GPHN: variants seen among roughly 807,000 people sequenced by gnomAD.
GPHN encodes gephyrin.
GPHN carries 17 observed loss-of-function variants against 95.5 expected under a neutral mutation model. The ratio of observed to expected loss-of-function variants is 0.18; its 90% CI spans 0.12 to 0.27. The LOEUF is 0.27. GPHN is among the 10% of genes least tolerant of loss of function. The pLI is 1.00. For synonymous variants in GPHN, 320 were observed against 322.5 expected (o/e 0.99, Z 0.08); for missense variants, 660 against 978.1 (o/e 0.67, Z 4.34).
the GPHN span, among the ~76,000 whole-genome samples, chr14:67,311,430 G>A: frequency 5.9e-5 from 9 of 151,754 alleles, no homozygotes; most frequent in South Asian, 1.7e-3. Flanking sequence ...TTTAACCTAT[G>A]TGTGACAGAA....
At chr14:67,085,396 A>G (rs2076843680) in intron 11 of GPHN, among the ~76,000 whole-genome samples, 1 of 152,216 alleles carries the variant, frequency 6.6e-6, no homozygotes, top group Admixed American at 6.5e-5. Context: ...ACGTATCTAA[A>G]TCTTGCAAAA....
At chr14:66,608,926 CTT>C (rs1478469718) in intron 1 of GPHN, among the ~76,000 whole-genome samples, 2 of 152,066 alleles carry the variant, frequency 1.3e-5, no homozygotes, top group Non-Finnish European at 2.9e-5. Flanking sequence ...TGGATCTTGT[CTT>C]TTTGTCCAGC....
At chr14:66,703,700 C>A (rs1284904903) in intron 2 of GPHN, among the ~76,000 whole-genome samples, 1 of 133,768 alleles carries the variant, frequency 7.5e-6, no homozygotes, top group Non-Finnish European at 1.5e-5. Flanking sequence ...AATGTAAGGA[C>A]CAATGACACT....
rs374248278 is a variant in GPHN, at chr14:67,088,995, G to A, written c.1157G>A (p.Arg386Gln). 1.8e-5 allele frequency: 29 copies of A among 1,590,302 alleles called. No homozygotes were observed. The highest frequency in any genetic ancestry group is 2.4e-5 in the Non-Finnish European group (28 of 1,158,548). Residue 386 changes from arginine to glutamine, a missense_variant, in exon 12 of 23, where the codon CGA (arginine) becomes CAA (glutamine). This residue lies in a region of GPHN where 257 missense variants were observed against 376.2 expected (regional missense o/e 0.68). Coordinates refer to ENST00000478722, the MANE Select transcript of GPHN (RefSeq NM_020806.5). ...EIINYRDGMG[R>Q]VLAQDVYAKD... Reference sequence around the variant, plus strand: ...TCTCTTCCTTCAGATGGAATGGGGCGAGTCCTTGCTCAAGATGTATATGCA... The same window carrying A: ...TCTCTTCCTTCAGATGGAATGGGGCAAGTCCTTGCTCAAGATGTATATGCA...
intron 1 of GPHN, among the ~76,000 whole-genome samples, chr14:66,568,627 T>C (rs2060553520): frequency 1.3e-5 from 2 of 152,244 alleles, no homozygotes; most frequent in African/African-American, 4.8e-5. Context: ...GAAATAGCAA[T>C]TGAACTTTAA....
At chr14:66,987,279 C>T (rs2071090637) in intron 9 of GPHN, among the ~76,000 whole-genome samples, 1 of 151,930 alleles carries the variant, frequency 6.6e-6, no homozygotes, top group Non-Finnish European at 1.5e-5. Flanking sequence ...TGAGAAGGTA[C>T]AGAACGACAT....
intron 3 of GPHN, among the ~76,000 whole-genome samples, chr14:66,815,030 T>C (rs2060908703): frequency 6.6e-6 from 1 of 151,986 alleles, no homozygotes; most frequent in African/African-American, 2.4e-5. Flanking sequence ...CAATTATTAA[T>C]AGCAGAATAG....
At chr14:67,435,035 C>T in the GPHN span, among the ~76,000 whole-genome samples, 2,119 of 146,550 alleles carry the variant, frequency 0.014, 47 homozygotes, top group African/African-American at 0.052. Context: ...AGTGCCATTT[C>T]GGCTCACTGC....
At chr14:67,312,785 C>A in the GPHN span, 6 of 1,183,376 alleles carry the variant, frequency 5.1e-6, no homozygotes, top group South Asian at 1.3e-4. Flanking sequence ...AAGAAAAACT[C>A]ACTCTTTCAT....
intron 1 of GPHN, among the ~76,000 whole-genome samples, chr14:66,585,068 C>T (rs2061363716): frequency 6.6e-6 from 1 of 151,998 alleles, no homozygotes; most frequent in Admixed American, 6.6e-5. Flanking sequence ...GTTTCAGAGC[C>T]TGTTATTGGT....
the GPHN span, among the ~76,000 whole-genome samples, chr14:67,196,223 C>CTTTCT: frequency 2.1e-5 from 3 of 143,118 alleles, no homozygotes; most frequent in African/African-American, 7.7e-5. Context: ...TTCTTTCTTT[C>CTTTCT]TTTTTTTTTT....
chr14:67,215,420 T>A, the GPHN span, among the ~76,000 whole-genome samples: 3 of 151,652 alleles, frequency 2.0e-5, no homozygotes, highest in East Asian at 5.8e-4. Context: ...TTTTTTTTTA[T>A]GATAACCACT....
intron 2 of GPHN, among the ~76,000 whole-genome samples, chr14:66,707,817 T>C (rs1202289734): frequency 6.6e-6 from 1 of 152,164 alleles, no homozygotes; most frequent in African/African-American, 2.4e-5. Flanking sequence ...AAAAACCCTG[T>C]ACATTTATTT....
At chr14:67,532,670 T>C in the GPHN span, among the ~76,000 whole-genome samples, 1 of 152,134 alleles carries the variant, frequency 6.6e-6, no homozygotes, top group Non-Finnish European at 1.5e-5. Context: ...CTGGGCAACA[T>C]AGCGAGACCA....
chr14:67,394,562 C>T, the GPHN span, among the ~76,000 whole-genome samples: 1 of 152,026 alleles, frequency 6.6e-6, no homozygotes, highest in Non-Finnish European at 1.5e-5. Flanking sequence ...CCACCTAGAC[C>T]CATAGGAGGT....
intron 21 of GPHN, among the ~76,000 whole-genome samples, chr14:67,173,616 C>A: frequency 6.6e-6 from 1 of 152,146 alleles, no homozygotes; most frequent in East Asian, 1.9e-4. Context: ...CTACCAGGTG[C>A]ACAGATTCAT....
chr14:67,336,850 G>A, the GPHN span: 1 of 440,266 alleles, frequency 2.3e-6, no homozygotes, highest in Non-Finnish European at 4.6e-6. Flanking sequence ...ATTTTATTCT[G>A]TGAGCAGCAA....
the GPHN span, among the ~76,000 whole-genome samples, chr14:67,643,763 CCT>C: frequency 3.4e-5 from 5 of 147,958 alleles, no homozygotes; most frequent in South Asian, 1.1e-3. Context: ...GATTATTTTC[CCT>C]GAGGTGCTGA....
the GPHN span, among the ~76,000 whole-genome samples, chr14:67,520,688 G>T: frequency 2.0e-5 from 3 of 149,110 alleles, no homozygotes; most frequent in Non-Finnish European, 4.5e-5. Flanking sequence ...ACTCCTTTGG[G>T]CGTACCACAG....
Sources: allele counts gnomAD v4.1 joint callset (sites outside exome capture counted in the v4.1 genomes callset), GRCh38; gene constraint gnomAD v4.1.1; regional missense constraint gnomAD v4.1.1; transcripts MANE v1.5; gene names NCBI Gene and HGNC (gene_info 2026-07-23, HGNC 2026-07-21).